L3MBTL1: variants seen among roughly 807,000 people sequenced by gnomAD.
The protein encoded by L3MBTL1 is lethal(3)malignant brain tumor-like protein 1.
Under a neutral mutation model 105.3 loss-of-function variants are expected in L3MBTL1, and 75 were observed. The ratio of observed to expected loss-of-function variants is 0.71; its 90% CI spans 0.59 to 0.86. The LOEUF (loss-of-function observed/expected upper bound fraction) is 0.86. Among genes scored for constraint, L3MBTL1 ranks in the 40% least tolerant of loss-of-function variants. The probability of loss-of-function intolerance (pLI) is 0.00; values close to 1 mark genes in which losing one functional copy is unlikely to be tolerated. For synonymous variants in L3MBTL1, 452 were observed against 436.2 expected, an observed-to-expected ratio of 1.04 and a Z score of -0.45; for missense variants, 1,069 against 1,126.4, an observed-to-expected ratio of 0.95 and a Z score of 0.73.
At chr20:43,545,968 T>TC (rs1978572184), downstream of L3MBTL1, among the ~76,000 whole-genome samples, 2 of 152,244 alleles carry the variant, frequency 1.3e-5, no homozygotes, top group African/African-American at 2.4e-5. Flanking sequence ...ACCTCAGAGA[T>TC]CCTTTCATTC....
intron 7 of L3MBTL1, among the ~76,000 whole-genome samples, chr20:43,522,713 C>G (rs1331575355): frequency 2.6e-5 from 4 of 150,992 alleles, no homozygotes; most frequent in Non-Finnish European, 5.9e-5. Flanking sequence ...CTCAAGCTGT[C>G]CGTCCGCCTT....
At chr20:43,522,775 G>A (rs1198688686) in intron 7 of L3MBTL1, among the ~76,000 whole-genome samples, 1 of 137,904 alleles carries the variant, frequency 7.3e-6, no homozygotes, top group African/African-American at 2.7e-5. Flanking sequence ...CCCGGCCAAC[G>A]GTGTCTTTTT....
In L3MBTL1 at chr20:43,532,793, C is replaced by G. The variant is rs2019406660; in HGVS notation, c.1305C>G (p.Phe435Leu). The change falls in exon 12 of 22, where the codon TTC (phenylalanine) becomes TTG (leucine). Residue 435 changes from phenylalanine (F) to leucine (L), a missense_variant. Coordinates refer to ENST00000418998, the MANE Select transcript of L3MBTL1 (RefSeq NM_001377303.1). ...CCTAGAGTCCCCCACCCCTGGGCTT[C>G]CAGGTGGGCATGAAGCTGGAGGCTG... ...SQSHSPPPLG[F>L]QVGMKLEAVD... 6.2e-7 allele frequency: 1 copy of G among 1,614,260 alleles called. No individual in the cohort carries two copies. The highest frequency in any genetic ancestry group is 8.5e-7 in the Non-Finnish European group (1 of 1,180,046).
At position 43,540,956 on chromosome 20, in the gene L3MBTL1, A is replaced by T; in HGVS notation, c.2417A>T (p.His806Leu). The T allele has an allele frequency of 1.2e-6, 2 of 1,614,154 alleles. No individual in the cohort carries two copies. The highest frequency in any genetic ancestry group is 1.7e-6 in the Non-Finnish European group (2 of 1,180,016). The stretch of plus-strand genomic sequence containing the variant: ...CAGGCAAGAATAGTCAGAGTGACCC[A>T]TGTATCTGGGAAGACTCTAGTCTGG... ...KDEARIVRVT[H>L]VSGKTLVWTV... The change falls in exon 22 of 22, where the codon CAT (histidine) becomes CTT (leucine). Residue 806 changes from histidine (H) to leucine (L), a missense_variant. Coordinates refer to ENST00000418998, the MANE Select transcript of L3MBTL1 (RefSeq NM_001377303.1).
chr20:43,543,668 C>G (rs773030232), downstream of L3MBTL1, among the ~76,000 whole-genome samples: 2 of 152,196 alleles, frequency 1.3e-5, no homozygotes, highest in Non-Finnish European at 2.9e-5. Context: ...GGAGTGGGCT[C>G]TCTCTGGCTT....
chr20:43,516,367 C>T (rs758585583), intron 7 of L3MBTL1, among the ~76,000 whole-genome samples, 190 bp downstream of exon 7: 5 of 152,288 alleles, frequency 3.3e-5, no homozygotes, highest in Admixed American at 6.5e-5. Flanking sequence ...TATGTATTTT[C>T]TTGGGAGTTA....
intron 8 of L3MBTL1, 49 bp downstream of exon 8, chr20:43,528,794 G>T (rs1172958752): frequency 7.0e-7 from 1 of 1,426,714 alleles, no homozygotes; most frequent in Non-Finnish European, 9.9e-7. Context: ...CCTAGCCTAG[G>T]GACACACCAC....
chr20:43,520,762 A>G (rs1382166714), intron 7 of L3MBTL1, among the ~76,000 whole-genome samples: 1 of 152,168 alleles, frequency 6.6e-6, no homozygotes, highest in Non-Finnish European at 1.5e-5. Context: ...TTTTATATTG[A>G]AATACAAGGA....
chr20:43,514,906 G>T lies in L3MBTL1; in HGVS notation c.503-103G>T, dbSNP rs535430755. On this transcript the variant is annotated intron_variant, in intron 4 of 21. Transcript: ENST00000418998. ...AGAAGGCTGGAGGAGGCCATCCGATGCGGAGATGGACCGAGGCGGAGGCAG... is the reference window on the plus strand; with the variant it reads ...AGAAGGCTGGAGGAGGCCATCCGATTCGGAGATGGACCGAGGCGGAGGCAG... 2.0e-5 allele frequency: 30 copies of T among 1,481,322 alleles called. No individual in the cohort carries two copies. The African/African-American group carries it at 3.8e-4, about 19-fold the overall frequency. The allele number at this position is 1,481,322 out of a possible 1,614,324, so 91.8% of individuals were successfully genotyped here.
intron 7 of L3MBTL1, among the ~76,000 whole-genome samples, chr20:43,519,469 T>C (rs1296110219): frequency 6.6e-6 from 1 of 151,760 alleles, no homozygotes; most frequent in Non-Finnish European, 1.5e-5. Context: ...AAACCCCATC[T>C]CTACTAAAAA....
At chr20:43,541,949 G>T (rs776566016), downstream of L3MBTL1, 2 of 979,390 alleles carry the variant, frequency 2.0e-6, no homozygotes, top group Non-Finnish European at 2.4e-6. Flanking sequence ...AGTGGCTCAC[G>T]CCTGTAATCT....
chr20:43,537,009 TA>T (rs1432354044), intron 19 of L3MBTL1, among the ~76,000 whole-genome samples: 1 of 152,240 alleles, frequency 6.6e-6, no homozygotes, highest in African/African-American at 2.4e-5. Context: ...CTCTAACATG[TA>T]TATTGTTCTT....
At chr20:43,523,949 C>T (rs964027944) in intron 7 of L3MBTL1, among the ~76,000 whole-genome samples, 1 of 146,530 alleles carries the variant, frequency 6.8e-6, no homozygotes. Flanking sequence ...GAGCTGAGAT[C>T]GTGCCACTGC....
chr20:43,540,200 G>C lies in L3MBTL1; in HGVS notation c.2223G>C (p.Ser741=). The change falls in exon 20 of 22, where the codon TCG becomes TCC. Residue 741 remains serine, a synonymous_variant. Coordinates refer to ENST00000418998, the MANE Select transcript of L3MBTL1 (RefSeq NM_001377303.1). ...AGTCCCTCTTCATGTCAGCCCTGTCGGCCCACCCTGACCGCTCACTCTCAG... is the reference window on the plus strand; with the variant it reads ...AGTCCCTCTTCATGTCAGCCCTGTCCGCCCACCCTGACCGCTCACTCTCAG... ...VHQSLFMSAL[S]AHPDRSLSVC... is the part of the protein sequence containing the mutation. 1 of 1,613,490 alleles carries C rather than the reference G, an allele frequency of 6.2e-7. No individual in the cohort carries two copies. Among genetic ancestry groups the C allele is most frequent in the Non-Finnish European group, 8.5e-7 (1 of 1,180,036 alleles).
At chr20:43,543,894 A>T (rs1978400442), downstream of L3MBTL1, among the ~76,000 whole-genome samples, 1 of 152,222 alleles carries the variant, frequency 6.6e-6, no homozygotes, top group African/African-American at 2.4e-5. Context: ...TTCATCAGCA[A>T]ATAATTATTG....
At chr20:43,528,049 C>T (rs1053046219) in intron 7 of L3MBTL1, among the ~76,000 whole-genome samples, 3 of 152,080 alleles carry the variant, frequency 2.0e-5, no homozygotes, top group African/African-American at 4.8e-5. Flanking sequence ...TGTACCACCA[C>T]GCCCAACTAA....
At chr20:43,514,296 G>T (rs1204948495) in intron 3 of L3MBTL1, 4 of 843,916 alleles carry the variant, frequency 4.7e-6, no homozygotes, top group Admixed American at 2.9e-5. Context: ...GGGCCTGTGG[G>T]TGTCTGGGGG....
intron 3 of L3MBTL1, chr20:43,514,344 T>G (rs1236353731): frequency 2.3e-5 from 26 of 1,118,064 alleles, no homozygotes; most frequent in Non-Finnish European, 2.7e-5. Context: ...GGGCCTGTGT[T>G]AGTTTGGGGG....
intron 17 of L3MBTL1, 45 bp downstream of exon 17, chr20:43,535,981 C>T (rs1194077798): frequency 6.3e-7 from 1 of 1,591,160 alleles, no homozygotes; most frequent in East Asian, 2.2e-5. Context: ...TTGTTTTGCA[C>T]TTACTGCATG....
Sources: gnomAD v4.1 joint callset for allele counts (sites outside exome capture counted in the v4.1 genomes callset) on GRCh38, gnomAD v4.1.1 for gene constraint, MANE v1.5 for transcripts, NCBI Gene and HGNC (gene_info 2026-07-23, HGNC 2026-07-21) for gene names.